The following HORMAD2 variants were observed in gnomAD, a reference collection of about 807,000 sequenced individuals.
HORMAD2 encodes the protein HORMA domain-containing protein 2.
A neutral mutation model predicts 38.8 loss-of-function variants in HORMAD2; 45 were observed. The ratio of observed to expected loss-of-function variants is 1.16; its 90% CI spans 0.91 to 1.49. The LOEUF (loss-of-function observed/expected upper bound fraction) is 1.49, where lower values mean the gene tolerates loss of function less well. Ranked by LOEUF, HORMAD2 falls within the 40% of genes most tolerant of loss-of-function variation. The pLI, the probability that HORMAD2 is intolerant of heterozygous loss-of-function variation, is 0.00. For missense variants in HORMAD2, 338 were observed against 367.0 expected (o/e 0.92, Z 0.65); for synonymous variants, 126 against 122.8 (o/e 1.03, Z -0.17).
chr22:30,203,016 C>G, the HORMAD2 span, among the ~76,000 whole-genome samples: 133 of 152,322 alleles, frequency 8.7e-4, no homozygotes, highest in African/African-American at 3.1e-3. Context: ...CAAGATCAAC[C>G]TTCCAGGTGA....
chr22:30,091,076 G>A (rs75148762), intron 1 of HORMAD2, among the ~76,000 whole-genome samples: 11,834 of 151,986 alleles, frequency 0.078, 538 homozygotes, highest in African/African-American at 0.092. Context: ...AGAACACATG[G>A]TATTTATCTT....
chr22:30,167,105 T>C (rs1031234676), intron 10 of HORMAD2, among the ~76,000 whole-genome samples: 5 of 152,192 alleles, frequency 3.3e-5, no homozygotes, highest in African/African-American at 1.2e-4. Context: ...AGAAGTTCTA[T>C]TCTTTGCCTC....
chr22:30,141,663 C>T (rs950819448), intron 10 of HORMAD2, among the ~76,000 whole-genome samples: 6 of 150,384 alleles, frequency 4.0e-5, no homozygotes, highest in East Asian at 3.9e-4. Flanking sequence ...GGCACAATCT[C>T]GGCTTACTGC....
chr22:30,192,554 G>A, the HORMAD2 span, among the ~76,000 whole-genome samples: 8,954 of 152,142 alleles, frequency 0.059, 748 homozygotes, highest in East Asian at 0.38. Context: ...ACACTTATGC[G>A]AAAACAATAA....
At chr22:30,152,051 G>C (rs1179252611) in intron 10 of HORMAD2, among the ~76,000 whole-genome samples, 1 of 151,952 alleles carries the variant, frequency 6.6e-6, no homozygotes, top group Non-Finnish European at 1.5e-5. Context: ...TCTATTTGCT[G>C]TACCCCCCTT....
chr22:30,206,865 C>A, the HORMAD2 span: 1 of 327,248 alleles, frequency 3.1e-6, no homozygotes. Context: ...TCCACCAGGG[C>A]CACTGTGCTG....
At chr22:30,183,608 C>T in the HORMAD2 span, among the ~76,000 whole-genome samples, 3 of 152,176 alleles carry the variant, frequency 2.0e-5, no homozygotes, top group Non-Finnish European at 2.9e-5. Context: ...ATCTAAGATA[C>T]AGAGAAGTTA....
At chr22:30,180,720 G>A (rs935152011), downstream of HORMAD2, among the ~76,000 whole-genome samples, 2 of 151,916 alleles carry the variant, frequency 1.3e-5, no homozygotes, top group Admixed American at 6.6e-5. Context: ...AACTCTTAGC[G>A]TGTCCACTTT....
intron 3 of HORMAD2, among the ~76,000 whole-genome samples, chr22:30,099,468 T>G (rs2146083993): frequency 6.6e-6 from 1 of 152,226 alleles, no homozygotes; most frequent in Non-Finnish European, 1.5e-5. Flanking sequence ...TTCTAATCAG[T>G]TCTGGCTTTT....
intron 7 of HORMAD2, among the ~76,000 whole-genome samples, chr22:30,115,490 T>C (rs1385477291): frequency 6.6e-6 from 1 of 152,156 alleles, no homozygotes; most frequent in East Asian, 1.9e-4. Context: ...TTAGATACTT[T>C]ATTTTAGAAA....
At chr22:30,201,668 G>A in the HORMAD2 span, among the ~76,000 whole-genome samples, 5 of 152,028 alleles carry the variant, frequency 3.3e-5, no homozygotes, top group South Asian at 1.0e-3. Context: ...CGCCCGCCTC[G>A]GCCTCCCAAA....
At chr22:30,199,311 C>T in the HORMAD2 span, among the ~76,000 whole-genome samples, 1 of 152,214 alleles carries the variant, frequency 6.6e-6, no homozygotes, top group Non-Finnish European at 1.5e-5. Context: ...CTTTTCATAT[C>T]ATTGCAGAAA....
At chr22:30,158,486 TTTTC>T (rs1925223520) in intron 10 of HORMAD2, among the ~76,000 whole-genome samples, 1 of 150,316 alleles carries the variant, frequency 6.7e-6, no homozygotes, top group African/African-American at 2.5e-5. Flanking sequence ...TTCTTTTCTT[TTTTC>T]TTTTCTTTCT....
At chr22:30,146,971 C>A (rs1924457873) in intron 10 of HORMAD2, among the ~76,000 whole-genome samples, 2 of 152,018 alleles carry the variant, frequency 1.3e-5, no homozygotes, top group South Asian at 4.1e-4. Context: ...ATACTTAGGG[C>A]TAAATTAATA....
chr22:30,102,108 A>G (rs1920951357), intron 3 of HORMAD2, among the ~76,000 whole-genome samples: 1 of 152,178 alleles, frequency 6.6e-6, no homozygotes, highest in African/African-American at 2.4e-5. Flanking sequence ...AGCATCAATA[A>G]AATGCATGTG....
the HORMAD2 span, among the ~76,000 whole-genome samples, chr22:30,202,105 A>T: frequency 6.6e-6 from 1 of 152,214 alleles, no homozygotes; most frequent in Non-Finnish European, 1.5e-5. Flanking sequence ...AACTTAAAGC[A>T]GTTGTAACTT....
intron 10 of HORMAD2, among the ~76,000 whole-genome samples, chr22:30,134,243 C>CA (rs35722989): frequency 0.041 from 6,149 of 151,658 alleles, 361 homozygotes; most frequent in South Asian, 0.22. Context: ...ACCAAAAATA[C>CA]AAAAAATTAG....
the HORMAD2 span, among the ~76,000 whole-genome samples, chr22:30,192,985 C>T: frequency 3.9e-5 from 6 of 151,980 alleles, no homozygotes; most frequent in African/African-American, 1.2e-4. Flanking sequence ...TATCAGAGTT[C>T]CAGATAATAT....
At chr22:30,108,715 TC>T (rs1331893403) in intron 5 of HORMAD2, among the ~76,000 whole-genome samples, 2 of 152,186 alleles carry the variant, frequency 1.3e-5, no homozygotes, top group African/African-American at 2.4e-5. Context: ...AACGTTGTTC[TC>T]CCCTGCTAGT....
Sources: allele counts gnomAD v4.1 joint callset (sites outside exome capture counted in the v4.1 genomes callset), GRCh38; gene constraint gnomAD v4.1.1; transcripts MANE v1.5; gene names NCBI Gene and HGNC (gene_info 2026-07-23, HGNC 2026-07-21).